Variants in EYS observed in about 807,000 individuals in gnomAD.
EYS encodes the protein protein eyes shut homolog.
In EYS, 250 loss-of-function variants were observed where a neutral mutation model predicts 282.1. The ratio of observed to expected loss-of-function variants is 0.89; its 90% CI spans 0.80 to 0.98. The LOEUF is 0.98. Ranked by LOEUF, EYS falls within the 50% of genes least tolerant of loss-of-function variation. The pLI is 0.00. For synonymous variants in EYS, 1,355 were observed against 1,282.9 expected, an observed-to-expected ratio of 1.06 and a Z score of -1.20; for missense variants, 4,016 against 3,709.0, an observed-to-expected ratio of 1.08 and a Z score of -2.15.
chr6:65,312,003 G>T (rs1769173180), intron 11 of EYS, among the ~76,000 whole-genome samples: 1 of 151,824 alleles, frequency 6.6e-6, no homozygotes, highest in African/African-American at 2.4e-5. Flanking sequence ...ATTTTATCTG[G>T]TAAACATATA....
At chr6:65,346,320 G>A (rs1212703363) in intron 9 of EYS, among the ~76,000 whole-genome samples, 1 of 149,572 alleles carries the variant, frequency 6.7e-6, no homozygotes, top group African/African-American at 2.5e-5. Flanking sequence ...ACAGAAAACT[G>A]AGACACTAGG....
intron 12 of EYS, among the ~76,000 whole-genome samples, chr6:65,133,579 T>C (rs770561924): frequency 3.3e-5 from 5 of 152,090 alleles, no homozygotes; most frequent in African/African-American, 7.2e-5. Flanking sequence ...ATGCAAAAGA[T>C]TGAAACTGGA....
At chr6:65,570,455 TC>T (rs1283285195) in intron 2 of EYS, among the ~76,000 whole-genome samples, 1 of 152,138 alleles carries the variant, frequency 6.6e-6, no homozygotes, top group Non-Finnish European at 1.5e-5. Context: ...GTGCCATTTT[TC>T]CCCTCAAAAT....
chr6:63,729,289 A>G (rs1007382366), intron 41 of EYS, among the ~76,000 whole-genome samples: 2 of 151,974 alleles, frequency 1.3e-5, no homozygotes, highest in Non-Finnish European at 2.9e-5. Flanking sequence ...ACTCTCTTTC[A>G]TGTGTCTTTG....
intron 40 of EYS, among the ~76,000 whole-genome samples, chr6:63,774,296 G>C (rs572195332): frequency 1.3e-5 from 2 of 151,976 alleles, no homozygotes; most frequent in East Asian, 3.9e-4. Context: ...AGCCTCCCAG[G>C]TAGCTGGGAT....
chr6:65,385,470 A>G (rs1282240075), intron 7 of EYS, among the ~76,000 whole-genome samples: 1 of 151,936 alleles, frequency 6.6e-6, no homozygotes, highest in African/African-American at 2.4e-5. Flanking sequence ...TTATTTCTCC[A>G]TTCATATCAG....
chr6:65,095,251 G>A (rs549023550), intron 12 of EYS, among the ~76,000 whole-genome samples: 1 of 151,142 alleles, frequency 6.6e-6, no homozygotes, highest in African/African-American at 2.4e-5. Flanking sequence ...GGTACCAGAG[G>A]CCGTAGTATT....
At chr6:63,845,551 G>C (rs1365626555) in intron 36 of EYS, among the ~76,000 whole-genome samples, 1 of 152,028 alleles carries the variant, frequency 6.6e-6, no homozygotes, top group Non-Finnish European at 1.5e-5. Context: ...TTGTTCTTTT[G>C]CTTTCTAGAT....
At chr6:65,278,461 A>C (rs1012417957) in intron 12 of EYS, among the ~76,000 whole-genome samples, 2 of 150,026 alleles carry the variant, frequency 1.3e-5, no homozygotes, top group Non-Finnish European at 3.0e-5. Flanking sequence ...TCATATCTAT[A>C]TATTACATTA....
chr6:63,782,648 T>C (rs781058312), intron 39 of EYS, among the ~76,000 whole-genome samples: 5 of 152,220 alleles, frequency 3.3e-5, no homozygotes, highest in Non-Finnish European at 5.9e-5. Flanking sequence ...TCTTTTCTTC[T>C]TTATTAGTCT....
At chr6:64,123,946 G>A (rs549992609) in intron 31 of EYS, among the ~76,000 whole-genome samples, 1 of 152,288 alleles carries the variant, frequency 6.6e-6, no homozygotes, top group Admixed American at 6.5e-5. Flanking sequence ...ATTTGTCAGA[G>A]CTTTCTAATT....
intron 12 of EYS, among the ~76,000 whole-genome samples, chr6:65,204,993 A>G: frequency 8.9e-6 from 1 of 111,874 alleles, no homozygotes; most frequent in South Asian, 2.5e-4. Context: ...ATATATTTAT[A>G]TATTCTAGAA....
intron 22 of EYS, among the ~76,000 whole-genome samples, chr6:64,647,130 CTG>C (rs756530373): frequency 1.3e-5 from 2 of 152,130 alleles, no homozygotes; most frequent in Non-Finnish European, 2.9e-5. Context: ...ACTGAAGTAA[CTG>C]TATGTCCGAA....
At chr6:65,499,834 T>G (rs919208800) in intron 2 of EYS, among the ~76,000 whole-genome samples, 6 of 151,880 alleles carry the variant, frequency 4.0e-5, no homozygotes, top group Non-Finnish European at 7.4e-5. Flanking sequence ...ATTCATATTT[T>G]TTAAGGGAGT....
chr6:64,771,974 G>T (rs988826672), intron 22 of EYS, among the ~76,000 whole-genome samples: 1 of 151,646 alleles, frequency 6.6e-6, no homozygotes, highest in Non-Finnish European at 1.5e-5. Flanking sequence ...CATCTCTCGT[G>T]TAAATAGATA....
rs140482603 is a variant in EYS, at chr6:65,192,835, C to T, written c.2023+103028G>A. Among the ~76,000 whole-genome samples, 994 of 151,776 alleles carry T rather than the reference C, an allele frequency of 6.5e-3. 11 individuals carry two copies. The highest frequency in any genetic ancestry group is 0.023 in the African/African-American group (947 of 41,444). On this transcript the variant is annotated intron_variant, in intron 12 of 42. Coordinates refer to ENST00000503581, the MANE Select transcript of EYS (RefSeq NM_001142800.2). The stretch of plus-strand genomic sequence containing the variant: ...ATATTTGGGGTACATAAAATATTTT[C>T]TCACATGCTTAGGAAGTGTAATGAT...
At position 65,495,293 on chromosome 6, in the gene EYS, C is replaced by T; in HGVS notation, c.118G>A (p.Val40Met). The T allele has an allele frequency of 6.2e-7, 1 of 1,614,086 alleles. No individual in the cohort carries two copies. Among genetic ancestry groups the T allele is most frequent in the Non-Finnish European group, 8.5e-7 (1 of 1,180,018 alleles). ...TTTTCTGTTAGTGTCCAATTTACCACATATGATGAGGGTTGTGGATGCCAT... is the reference window on the plus strand; with the variant it reads ...TTTTCTGTTAGTGTCCAATTTACCATATATGATGAGGGTTGTGGATGCCAT... The part of the protein sequence containing the change: ...EEWHPQPSSY[V>M]VNWTLTENIC... The change falls in exon 4 of 43, where the codon GTG becomes ATG. Residue 40 changes from valine to methionine, a missense_variant. Physicochemically the swap from Val to Met is conservative, Grantham distance 21. Coordinates refer to ENST00000503581, the MANE Select transcript of EYS (RefSeq NM_001142800.2).
chr6:65,380,609 A>G (rs551976100), intron 8 of EYS, among the ~76,000 whole-genome samples: 8 of 152,306 alleles, frequency 5.3e-5, no homozygotes, highest in African/African-American at 1.7e-4. Context: ...ACAAAAGCCA[A>G]AATTGACAAA....
intron 33 of EYS, among the ~76,000 whole-genome samples, chr6:64,017,786 C>T (rs910475647): frequency 1.3e-5 from 2 of 152,148 alleles, no homozygotes; most frequent in African/African-American, 4.8e-5. Context: ...TCAATATGCT[C>T]GTAATGATAG....
Sources: gnomAD v4.1 joint callset for allele counts (sites outside exome capture counted in the v4.1 genomes callset) on GRCh38, gnomAD v4.1.1 for gene constraint, MANE v1.5 for transcripts, NCBI Gene and HGNC (gene_info 2026-07-23, HGNC 2026-07-21) for gene names.